TMEM132B: variants seen among roughly 807,000 people sequenced by gnomAD.
TMEM132B encodes the protein transmembrane protein 132B.
A neutral mutation model predicts 90.8 loss-of-function variants in TMEM132B; 18 were observed. The ratio of observed to expected loss-of-function variants is 0.20; its 90% CI spans 0.14 to 0.29. The LOEUF is 0.29. Ranked by LOEUF, TMEM132B falls within the 10% of genes least tolerant of loss-of-function variation. TMEM132B has a pLI of 1.00. For missense variants in TMEM132B, 1,096 were observed against 1,326.8 expected (o/e 0.83, Z 2.70); for synonymous variants, 504 against 523.3 (o/e 0.96, Z 0.50).
chr12:125,437,511 C>A (rs1016908306), intron 3 of TMEM132B, among the ~76,000 whole-genome samples: 3 of 152,220 alleles, frequency 2.0e-5, no homozygotes, highest in African/African-American at 7.2e-5. Flanking sequence ...AACTGCCAAA[C>A]TGTTTTTCAC....
chr12:125,240,053 C>T (rs1051656449), intron 1 of TMEM132B, among the ~76,000 whole-genome samples: 2 of 152,196 alleles, frequency 1.3e-5, no homozygotes, highest in Non-Finnish European at 2.9e-5. Flanking sequence ...CCCTTGGTGC[C>T]CTGGATCTGC....
At chr12:125,638,513 T>A (rs1886545171) in intron 5 of TMEM132B, among the ~76,000 whole-genome samples, 1 of 152,236 alleles carries the variant, frequency 6.6e-6, no homozygotes, top group African/African-American at 2.4e-5. Context: ...GGTTTTTCTC[T>A]ACATAGTTTT....
intron 5 of TMEM132B, among the ~76,000 whole-genome samples, chr12:125,596,765 C>T (rs1044125039): frequency 2.6e-5 from 4 of 152,146 alleles, no homozygotes; most frequent in Admixed American, 6.5e-5. Flanking sequence ...TATATGTTTC[C>T]GAGAACAGAG....
chr12:125,246,578 C>A lies in TMEM132B; in HGVS notation c.67+59712C>A, dbSNP rs138986641. Among the ~76,000 whole-genome samples, 3 of 152,172 alleles carry A rather than the reference C, an allele frequency of 2.0e-5. No homozygotes were observed. The highest frequency in any genetic ancestry group is 7.2e-5 in the African/African-American group (3 of 41,422). ...TGCTTCGGCATGAATGCACAACATG[C>A]GAGACTTCAGGACAAGTTCAGCGTC... On this transcript the variant is annotated intron_variant, in intron 1 of 8. Transcript: ENST00000682704. The surrounding 1 kb of genome is among the most constrained non-coding windows in gnomAD (Gnocchi z 4.2).
At chr12:125,579,710 A>G (rs994622709) in intron 4 of TMEM132B, among the ~76,000 whole-genome samples, 5 of 152,138 alleles carry the variant, frequency 3.3e-5, no homozygotes, top group Admixed American at 6.5e-5. Context: ...TTCTTTGAAT[A>G]TATTCAAAAC....
chr12:125,385,758 G>T (rs1878812055), intron 2 of TMEM132B, among the ~76,000 whole-genome samples: 1 of 152,148 alleles, frequency 6.6e-6, no homozygotes, highest in Non-Finnish European at 1.5e-5. Context: ...AACCATGGGA[G>T]GTGGATCAGT....
At chr12:125,289,357 T>G (rs953603293) in intron 1 of TMEM132B, among the ~76,000 whole-genome samples, 17 of 152,136 alleles carry the variant, frequency 1.1e-4, no homozygotes, top group Non-Finnish European at 1.3e-4. Context: ...TTTCCTTGTG[T>G]TAACTTCTTT....
intron 5 of TMEM132B, among the ~76,000 whole-genome samples, chr12:125,600,858 A>T (rs1885552693): frequency 6.6e-6 from 1 of 152,230 alleles, no homozygotes; most frequent in Admixed American, 6.5e-5. Context: ...CAAAGATAAA[A>T]AAAAGACAAA....
chr12:125,579,924 C>A (rs572205307), intron 4 of TMEM132B, among the ~76,000 whole-genome samples: 49 of 152,206 alleles, frequency 3.2e-4, no homozygotes, highest in Admixed American at 9.8e-4. Context: ...CTTCCCTCCC[C>A]AAGTTTGTTT....
At chr12:125,228,982 C>A (rs987787487) in intron 1 of TMEM132B, among the ~76,000 whole-genome samples, 2 of 152,146 alleles carry the variant, frequency 1.3e-5, no homozygotes, top group African/African-American at 4.8e-5. Context: ...TGGATGCAGA[C>A]CCTGAGGACC....
At chr12:125,330,382 A>T (rs1304893891) in intron 1 of TMEM132B, among the ~76,000 whole-genome samples, 10 of 134,342 alleles carry the variant, frequency 7.4e-5, no homozygotes, top group Admixed American at 6.0e-4. Flanking sequence ...ATTTATCTAT[A>T]GTTATGGTTG....
chr12:125,326,520 G>C (rs1388061296), intron 1 of TMEM132B: 50 of 1,308,654 alleles, frequency 3.8e-5, no homozygotes, highest in Non-Finnish European at 5.3e-5. Flanking sequence ...AGTAAACATC[G>C]GCTTAATGCT....
intron 5 of TMEM132B, among the ~76,000 whole-genome samples, chr12:125,612,644 A>C (rs1249672192): frequency 7.0e-6 from 1 of 143,422 alleles, no homozygotes; most frequent in Non-Finnish European, 1.5e-5. Context: ...TATGACAACT[A>C]TATATACTTG....
intron 1 of TMEM132B, among the ~76,000 whole-genome samples, chr12:125,323,409 C>G (rs1488661602): frequency 2.6e-5 from 4 of 151,544 alleles, no homozygotes; most frequent in Non-Finnish European, 5.9e-5. Flanking sequence ...GCCCTCCAAC[C>G]TGGGCAACAA....
intron 1 of TMEM132B, among the ~76,000 whole-genome samples, chr12:125,218,584 C>T (rs920052370): frequency 2.0e-5 from 3 of 152,014 alleles, no homozygotes; most frequent in African/African-American, 2.4e-5. Flanking sequence ...GGTTGTGACT[C>T]GGATTTGGTT....
At chr12:125,651,647 G>A (rs950405356) in intron 7 of TMEM132B, among the ~76,000 whole-genome samples, 1 of 152,244 alleles carries the variant, frequency 6.6e-6, no homozygotes, top group Non-Finnish European at 1.5e-5. Flanking sequence ...AAAAACACCC[G>A]TTAGTCAGCT....
At chr12:125,252,052 C>A (rs1593056458) in intron 1 of TMEM132B, among the ~76,000 whole-genome samples, 1 of 152,168 alleles carries the variant, frequency 6.6e-6, no homozygotes, top group Non-Finnish European at 1.5e-5. Flanking sequence ...AAGAGGTGGT[C>A]TTCCTCTAGT....
chr12:125,435,648 A>G (rs1451320702), intron 3 of TMEM132B, among the ~76,000 whole-genome samples: 1 of 152,256 alleles, frequency 6.6e-6, no homozygotes, highest in Non-Finnish European at 1.5e-5. Context: ...GAAACAGACA[A>G]TGATAAAGAT....
At chr12:125,632,444 T>C (rs1199443217) in intron 5 of TMEM132B, among the ~76,000 whole-genome samples, 2 of 152,148 alleles carry the variant, frequency 1.3e-5, no homozygotes, top group Non-Finnish European at 2.9e-5. Flanking sequence ...TATAGTGTTA[T>C]AATATTCTGT....
Sources: gnomAD v4.1 joint callset for allele counts (sites outside exome capture counted in the v4.1 genomes callset) on GRCh38, gnomAD v4.1.1 for gene constraint, Gnocchi (gnomAD v3.1) non-coding constraint, MANE v1.5 for transcripts, NCBI Gene and HGNC (gene_info 2026-07-23, HGNC 2026-07-21) for gene names.